The following GPHN variants were observed in gnomAD, a reference collection of about 807,000 sequenced individuals.
GPHN encodes gephyrin.
GPHN carries 17 observed loss-of-function variants against 95.5 expected under a neutral mutation model. The ratio of observed to expected loss-of-function variants is 0.18; its 90% CI spans 0.12 to 0.27. GPHN has a LOEUF of 0.27. Among genes scored for constraint, GPHN ranks in the 10% least tolerant of loss-of-function variants. The probability of loss-of-function intolerance (pLI) is 1.00; values close to 1 mark genes in which losing one functional copy is unlikely to be tolerated. For missense variants in GPHN, 660 were observed against 978.1 expected, an observed-to-expected ratio of 0.67 and a Z score of 4.34; for synonymous variants, 320 against 322.5, an observed-to-expected ratio of 0.99 and a Z score of 0.08.
chr14:66,571,125 T>G (rs1047424288), intron 1 of GPHN, among the ~76,000 whole-genome samples: 3 of 152,180 alleles, frequency 2.0e-5, no homozygotes, highest in African/African-American at 7.2e-5. Flanking sequence ...CAGTTCCACA[T>G]GGCTAGGGAG....
chr14:66,599,392 A>ATTTCTTTTTTTTTTTTTTT (rs1555357374), intron 1 of GPHN, among the ~76,000 whole-genome samples: 3 of 76,522 alleles, frequency 3.9e-5, no homozygotes, highest in African/African-American at 2.2e-4. Flanking sequence ...TTTTTTTTGC[A>ATTTCTTTTTTTTTTTTTTT]TTTTTTTTTT....
At chr14:67,431,131 A>C in the GPHN span, among the ~76,000 whole-genome samples, 1 of 152,162 alleles carries the variant, frequency 6.6e-6, no homozygotes, top group Non-Finnish European at 1.5e-5. Flanking sequence ...GTGGTGGCTC[A>C]CGCCTGTAAT....
At chr14:67,364,728 T>C in the GPHN span, 12 of 1,574,870 alleles carry the variant, frequency 7.6e-6, no homozygotes, top group South Asian at 1.3e-4. Context: ...ATTTTCACCT[T>C]AACTGAATAC....
At chr14:67,654,890 G>A in the GPHN span, among the ~76,000 whole-genome samples, 21 of 151,974 alleles carry the variant, frequency 1.4e-4, no homozygotes, top group African/African-American at 4.6e-4. Context: ...TTAGCCGGGT[G>A]TGGTGGCAGA....
the GPHN span, among the ~76,000 whole-genome samples, chr14:67,356,580 G>A: frequency 1.3e-5 from 2 of 152,100 alleles, no homozygotes; most frequent in Non-Finnish European, 2.9e-5. Flanking sequence ...AGAAAAATGA[G>A]GCTTAGAAAA....
the GPHN span, chr14:67,397,543 C>G: frequency 2.4e-6 from 2 of 819,494 alleles, no homozygotes; most frequent in Non-Finnish European, 3.7e-6. Flanking sequence ...GGATTTGAAT[C>G]CAAGTTTTTC....
intron 4 of GPHN, among the ~76,000 whole-genome samples, chr14:66,837,282 A>G (rs1364103774): frequency 6.6e-6 from 1 of 151,678 alleles, no homozygotes; most frequent in Non-Finnish European, 1.5e-5. Context: ...TGATGAGTTC[A>G]TGTCCTTTGT....
intron 10 of GPHN, among the ~76,000 whole-genome samples, chr14:67,041,281 A>G (rs2074687284): frequency 6.6e-6 from 1 of 151,452 alleles, no homozygotes; most frequent in Non-Finnish European, 1.5e-5. Context: ...CTTTTTTTAC[A>G]TAGGTATACA....
intron 5 of GPHN, among the ~76,000 whole-genome samples, chr14:66,912,723 G>A (rs1277775151): frequency 6.6e-6 from 1 of 152,014 alleles, no homozygotes; most frequent in Non-Finnish European, 1.5e-5. Context: ...GTGAATTCAT[G>A]ACTTCTACTG....
the GPHN span, among the ~76,000 whole-genome samples, chr14:67,599,038 A>G: frequency 6.6e-6 from 1 of 152,192 alleles, no homozygotes; most frequent in Non-Finnish European, 1.5e-5. Flanking sequence ...AGATAGTTAG[A>G]TAGTTTCCTG....
chr14:66,516,239 G>A (rs9323474), intron 1 of GPHN, among the ~76,000 whole-genome samples: 49,076 of 150,400 alleles, frequency 0.33, 11,787 homozygotes, highest in African/African-American at 0.65. Flanking sequence ...GCTGGTTTTG[G>A]ACTCCTGACC....
At chr14:67,523,838 AT>A in the GPHN span, among the ~76,000 whole-genome samples, 12 of 151,092 alleles carry the variant, frequency 7.9e-5, no homozygotes, top group Middle Eastern at 3.5e-3. Flanking sequence ...CTTTGGAGGA[AT>A]TTTTTTTTTC....
At chr14:67,163,895 C>G (rs1327985318) in intron 19 of GPHN, among the ~76,000 whole-genome samples, 1 of 151,866 alleles carries the variant, frequency 6.6e-6, no homozygotes, top group Non-Finnish European at 1.5e-5. Context: ...CTATGCCACT[C>G]ACTCCTTCCA....
the GPHN span, among the ~76,000 whole-genome samples, chr14:67,559,221 G>T: frequency 1.3e-5 from 2 of 151,086 alleles, no homozygotes; most frequent in African/African-American, 4.9e-5. Context: ...AACTATAAAG[G>T]TAACACATGC....
chr14:66,885,118 A>T (rs1300415486), intron 5 of GPHN, among the ~76,000 whole-genome samples: 1 of 152,118 alleles, frequency 6.6e-6, no homozygotes, highest in Admixed American at 6.6e-5. Flanking sequence ...TTTAGATAAT[A>T]TTAAAGTAAC....
intron 9 of GPHN, among the ~76,000 whole-genome samples, chr14:67,005,397 G>A (rs1320747662): frequency 2.0e-5 from 3 of 151,820 alleles, no homozygotes; most frequent in Non-Finnish European, 4.4e-5. Context: ...GAACTATACA[G>A]CTAAGATTTA....
chr14:67,720,745 G>A, the GPHN span: 1 of 152,138 alleles, frequency 6.6e-6, no homozygotes, highest in African/African-American at 2.4e-5. Context: ...ATGATATGAT[G>A]GTGGCCTTTG....
the GPHN span, chr14:67,208,077 A>C: frequency 3.2e-5 from 44 of 1,382,636 alleles, no homozygotes; most frequent in Non-Finnish European, 3.9e-5. Context: ...CTCCCTCCTT[A>C]CTACTCCTCA....
rs1362147598 is a variant in GPHN at position 66,697,590 on chromosome 14, A to G, written c.143+16405A>G. ...CATTCTTATATTGGATAGATGGTGG[A>G]TATTTAAAAGTATGGTCTAATCTAG... is the stretch of plus-strand genomic sequence containing the variant. On this transcript the variant is annotated intron_variant, in intron 2 of 22. Coordinates refer to ENST00000478722, the MANE Select transcript of GPHN (RefSeq NM_020806.5). Among the ~76,000 whole-genome samples the G allele has an allele frequency of 4.6e-5, 7 of 150,816 alleles. No individual in the cohort carries two copies. In the East Asian group the frequency reaches 1.2e-3, roughly 25 times the overall value.
Sources: allele counts gnomAD v4.1 joint callset (sites outside exome capture counted in the v4.1 genomes callset), GRCh38; gene constraint gnomAD v4.1.1; transcripts MANE v1.5; gene names NCBI Gene and HGNC (gene_info 2026-07-23, HGNC 2026-07-21).